MAP2: variants seen among roughly 807,000 people sequenced by gnomAD.
The protein encoded by MAP2 is microtubule-associated protein 2.
Under a neutral mutation model 137.6 loss-of-function variants are expected in MAP2, and 14 were observed. The observed-to-expected ratio is 0.10, with a 90% confidence interval of 0.07 to 0.16. The LOEUF is 0.16. Ranked by LOEUF, MAP2 falls within the 10% of genes least tolerant of loss-of-function variation. MAP2 has a pLI of 1.00. For missense variants in MAP2, 2,088 were observed against 2,191.5 expected (o/e 0.95, Z 0.94); for synonymous variants, 786 against 782.3 (o/e 1.00, Z -0.08).
At chr2:209,658,732 C>T (rs1032948567) in intron 5 of MAP2, among the ~76,000 whole-genome samples, 29 of 152,186 alleles carry the variant, frequency 1.9e-4, no homozygotes, top group Admixed American at 4.6e-4. Flanking sequence ...GTCTTGAACT[C>T]CTGACCTCAG....
intron 2 of MAP2, among the ~76,000 whole-genome samples, chr2:209,563,952 G>A (rs1559325350): frequency 6.6e-6 from 1 of 152,144 alleles, no homozygotes; most frequent in Admixed American, 6.5e-5. Flanking sequence ...TTTAAGCAAT[G>A]TTTGTAGATC....
chr2:209,687,611 C>T (rs1025564100), intron 7 of MAP2, among the ~76,000 whole-genome samples: 12 of 152,152 alleles, frequency 7.9e-5, no homozygotes, highest in African/African-American at 2.9e-4. Flanking sequence ...TGCTGTGCTG[C>T]TTCTGTGGCC....
At position 209,694,936 on chromosome 2, in the gene MAP2, C is replaced by T. The variant is rs370274933; in HGVS notation, c.2766C>T (p.Ala922=). 17 of 1,613,924 alleles carry T rather than the reference C, an allele frequency of 1.1e-5. No homozygotes were observed. The highest frequency in any genetic ancestry group is 1.4e-5 in the Non-Finnish European group (16 of 1,180,020). The change falls in exon 8 of 16, where the codon GCC becomes GCT. Residue 922 remains alanine (A), a synonymous_variant. Coordinates refer to ENST00000682079, the MANE Select transcript of MAP2 (RefSeq NM_001375505.1). ...TGATTGAAGTGAAACTGGCAGCAGC[C>T]GGAAGAGTCAAAGATGAGTTCAGTG... ...LSLIEVKLAA[A]GRVKDEFSVD...
intron 1 of MAP2, among the ~76,000 whole-genome samples, chr2:209,480,438 G>A (rs915040699): frequency 2.6e-5 from 4 of 152,098 alleles, no homozygotes; most frequent in Non-Finnish European, 5.9e-5. Context: ...CTGTGGATAC[G>A]TGGAAAAAAT....
chr2:209,449,895 T>G (rs539434746), intron 1 of MAP2, among the ~76,000 whole-genome samples: 9 of 152,124 alleles, frequency 5.9e-5, no homozygotes, highest in Non-Finnish European at 1.2e-4. Flanking sequence ...TCTTTATGCA[T>G]AGGGAATTTT....
At position 209,696,649 on chromosome 2, in the gene MAP2, C is replaced by A. The variant is rs1204298322; in HGVS notation, c.4288C>A (p.Pro1430Thr). Residue 1430 changes from proline (P) to threonine (T), a missense_variant, in exon 9 of 16, where the codon CCT (proline) becomes ACT (threonine). Around this residue, in one of 6 missense-constraint regions of MAP2, gnomAD observed 591 missense variants for 642.6 expected, o/e 0.92. Transcript: ENST00000682079. ...TCTTGAGAAACATAGAAAAGAAAAG[C>A]CTTTTAAAACCGGGAGAGGCAGAAT... Reference protein sequence around the residue: ...SSLEKHRKEKPFKTGRGRIST... With the variant: ...SSLEKHRKEKTFKTGRGRIST... 6.2e-7 allele frequency: 1 copy of A among 1,613,626 alleles called. No individual in the cohort carries two copies. Among genetic ancestry groups the A allele is most frequent in the Non-Finnish European group, 8.5e-7 (1 of 1,179,808 alleles).
chr2:209,723,457 C>G, intron 13 of MAP2: 1 of 632,020 alleles, frequency 1.6e-6, no homozygotes, highest in Non-Finnish European at 2.9e-6. Flanking sequence ...TTCTTCAGTT[C>G]CAGTGTTAGA....
At chr2:209,611,773 C>G (rs1399928564) in intron 3 of MAP2, among the ~76,000 whole-genome samples, 2 of 152,080 alleles carry the variant, frequency 1.3e-5, no homozygotes. Flanking sequence ...GCCTCTCTCA[C>G]CAAGCACAAC....
chr2:209,431,654 A>G (rs1694319111), intron 1 of MAP2, among the ~76,000 whole-genome samples: 1 of 152,142 alleles, frequency 6.6e-6, no homozygotes, highest in Non-Finnish European at 1.5e-5. Context: ...CCTGAGACTC[A>G]ATAATTCAGG....
Position 209,429,035 on chromosome 2 carries a change from G to T in MAP2, c.-222+4759G>T, listed in dbSNP as rs1363752062. On this transcript the variant is annotated intron_variant, in intron 1 of 15. Transcript: ENST00000682079. ...GTGGCGCCATCTCGGCTCACTGCAA[G>T]CTCCGCCCCCCGGGTTCACGCCATT... Among the ~76,000 whole-genome samples the T allele has an allele frequency of 1.3e-5, 2 of 151,904 alleles. 1 individual carries two copies. Among genetic ancestry groups the T allele is most frequent in the African/African-American group, 4.8e-5 (2 of 41,378 alleles).
rs1332379425 is a variant in MAP2 at position 209,695,245 on chromosome 2, A to G, written c.3075A>G (p.Ile1025Met). The change falls in exon 8 of 16, where the codon ATA becomes ATG. Residue 1025 changes from isoleucine to methionine, a missense_variant. Physicochemically the swap from Ile to Met is conservative, Grantham distance 10. Coordinates refer to ENST00000682079, the MANE Select transcript of MAP2 (RefSeq NM_001375505.1). Reference protein sequence around the residue: ...AEKGLSSVPEIAEVEPSKKVE... With the variant: ...AEKGLSSVPEMAEVEPSKKVE... The stretch of plus-strand genomic sequence containing the variant: ...AGGGTCTTAGTTCAGTGCCAGAGAT[A>G]GCTGAGGTAGAACCATCCAAAAAGG... 1.2e-6 allele frequency: 2 copies of G among 1,613,954 alleles called. No individual in the cohort carries two copies. The highest frequency in any genetic ancestry group is 1.3e-5 in the African/African-American group (1 of 74,924).
chr2:209,696,136 A>T lies in MAP2; in HGVS notation c.3966A>T (p.Arg1322Ser). 5.6e-6 allele frequency: 9 copies of T among 1,613,154 alleles called. No homozygotes were observed. Among genetic ancestry groups the T allele is most frequent in the Non-Finnish European group, 7.6e-6 (9 of 1,179,618 alleles). ...AALEQPEVER[R>S]PSPHDEEEFE... ...TAGAGCAGCCTGAGGTGGAAAGGAG[A>T]CCATCTCCTCATGATGAAGAAGAGT... The change falls in exon 8 of 16, where the codon AGA (arginine) becomes AGT (serine). Residue 1322 changes from arginine (R) to serine (S), a missense_variant. Transcript: ENST00000682079.
chr2:209,553,368 A>G (rs112765998), intron 2 of MAP2, among the ~76,000 whole-genome samples: 3 of 152,322 alleles, frequency 2.0e-5, no homozygotes, highest in African/African-American at 7.2e-5. Context: ...CCTGTACCGT[A>G]CATCATTAAA....
At chr2:209,433,077 C>A (rs756348870) in intron 1 of MAP2, among the ~76,000 whole-genome samples, 2 of 152,010 alleles carry the variant, frequency 1.3e-5, no homozygotes, top group Non-Finnish European at 2.9e-5. Flanking sequence ...TTATTGGGTT[C>A]CTAATATTTA....
intron 1 of MAP2, among the ~76,000 whole-genome samples, chr2:209,436,011 TATATTATATATAAA>T: frequency 1.6e-5 from 1 of 61,572 alleles, no homozygotes; most frequent in Non-Finnish European, 2.7e-5. Context: ...ATATACAGTA[TATATTATATATAAA>T]ATATATATAT....
chr2:209,537,204 T>A (rs997942750), intron 2 of MAP2, among the ~76,000 whole-genome samples: 3 of 152,226 alleles, frequency 2.0e-5, no homozygotes, highest in Non-Finnish European at 4.4e-5. Context: ...CTCACGATAT[T>A]TCAAACTTTT....
intron 3 of MAP2, among the ~76,000 whole-genome samples, chr2:209,584,886 G>GA (rs2077320710): frequency 2.0e-5 from 3 of 152,092 alleles, no homozygotes; most frequent in African/African-American, 4.8e-5. Context: ...TCTGATAACT[G>GA]AAAAAAGCAA....
chr2:209,519,915 C>T (rs190961457), intron 2 of MAP2, among the ~76,000 whole-genome samples: 166 of 152,044 alleles, frequency 1.1e-3, no homozygotes, highest in Non-Finnish European at 1.8e-3. Flanking sequence ...TAGTTCTGCT[C>T]ATATTTGGCT....
At chr2:209,480,397 A>G (rs1708431233) in intron 1 of MAP2, among the ~76,000 whole-genome samples, 1 of 152,178 alleles carries the variant, frequency 6.6e-6, no homozygotes, top group Non-Finnish European at 1.5e-5. Flanking sequence ...TACACATTTA[A>G]TTTTGAATAG....
Sources: gnomAD v4.1 joint callset for allele counts (sites outside exome capture counted in the v4.1 genomes callset) on GRCh38, gnomAD v4.1.1 for gene constraint, gnomAD v4.1.1 regional missense constraint, MANE v1.5 for transcripts, NCBI Gene and HGNC (gene_info 2026-07-23, HGNC 2026-07-21) for gene names.